The following SCGB2B2 variants were observed in gnomAD, a reference collection of about 807,000 sequenced individuals.
SCGB2B2 encodes the protein secretoglobin-like protein.
In SCGB2B2, 11 loss-of-function variants were observed where a neutral mutation model predicts 7.6. That is an observed-to-expected ratio of 1.45 (90% CI 0.91 to 2.40). The LOEUF (loss-of-function observed/expected upper bound fraction) is 2.40. SCGB2B2 is among the 30% of genes most tolerant of loss of function. SCGB2B2 has a pLI of 0.00. For missense variants in SCGB2B2, 104 were observed against 115.4 expected (o/e 0.90, Z 0.45); for synonymous variants, 50 against 48.6 (o/e 1.03, Z -0.12).
intron 1 of SCGB2B2, among the ~76,000 whole-genome samples, chr19:34,611,795 G>T (rs921273459): frequency 1.1e-4 from 17 of 151,192 alleles, no homozygotes; most frequent in African/African-American, 4.1e-4. Flanking sequence ...GATTACAGGT[G>T]CCTGCTACCA....
At chr19:34,597,999 G>T (rs1408896592) in intron 1 of SCGB2B2, among the ~76,000 whole-genome samples, 1 of 152,038 alleles carries the variant, frequency 6.6e-6, no homozygotes, top group Non-Finnish European at 1.5e-5. Context: ...AGGGGTCGGG[G>T]AGACTGCTCC....
At chr19:34,615,504 G>GTT (rs2066048445) in intron 1 of SCGB2B2, among the ~76,000 whole-genome samples, 1 of 151,200 alleles carries the variant, frequency 6.6e-6, no homozygotes, top group African/African-American at 2.4e-5. Flanking sequence ...GAGTTTCTGT[G>GTT]ACTTTTCTGA....
chr19:34,617,107 G>A (rs1369968987), intron 1 of SCGB2B2, among the ~76,000 whole-genome samples: 2 of 152,220 alleles, frequency 1.3e-5, no homozygotes, highest in Non-Finnish European at 2.9e-5. Flanking sequence ...ATAGTTTGAA[G>A]TCAGGTAGTG....
chr19:34,634,943 T>G, intron 1 of SCGB2B2: 1 of 276,862 alleles, frequency 3.6e-6, no homozygotes, highest in East Asian at 1.0e-4. Context: ...CTTTCACCAG[T>G]GTGAACTCTC....
At position 34,594,557 on chromosome 19, in the gene SCGB2B2, C is replaced by T. The variant is rs1412663655; in HGVS notation, c.7G>A (p.Val3Met). 6.2e-7 allele frequency: 1 copy of T among 1,612,584 alleles called. No individual in the cohort carries two copies. Among genetic ancestry groups the T allele is most frequent in the African/African-American group, 1.3e-5 (1 of 74,860 alleles). MR[V>M]TSATCALLLA... ...AGAAGAGCACAGGTGGCGGATGTCA[C>T]CCTCATGACAGCGGAGTCTGGTCCC... The change falls in exon 2 of 4, where the codon GTG (valine) becomes ATG (methionine). Residue 3 changes from valine to methionine, a missense_variant. Transcript: ENST00000601241.
At chr19:34,647,000 C>A (rs903821100) in intron 1 of SCGB2B2, among the ~76,000 whole-genome samples, 1 of 152,072 alleles carries the variant, frequency 6.6e-6, no homozygotes, top group South Asian at 2.1e-4. Context: ...TCTCTACCCC[C>A]AGCACAACCC....
At chr19:34,608,139 T>A (rs2065830815) in intron 1 of SCGB2B2, among the ~76,000 whole-genome samples, 1 of 152,116 alleles carries the variant, frequency 6.6e-6, no homozygotes, top group Non-Finnish European at 1.5e-5. Flanking sequence ...TTCCTCATCG[T>A]GTTTTATAGT....
intron 1 of SCGB2B2, among the ~76,000 whole-genome samples, chr19:34,601,247 T>C (rs962061911): frequency 7.9e-5 from 12 of 152,206 alleles, no homozygotes; most frequent in African/African-American, 2.7e-4. Flanking sequence ...ACTAGTCTGT[T>C]TGTCTGTCTC....
chr19:34,672,420 T>C (rs575078289), intron 1 of SCGB2B2, among the ~76,000 whole-genome samples: 1 of 152,238 alleles, frequency 6.6e-6, no homozygotes. Flanking sequence ...GAATCTGTCA[T>C]TGATTTGAGA....
chr19:34,592,613 T>C lies in SCGB2B2; in HGVS notation c.*942A>G, dbSNP rs1381549120. Among the ~76,000 whole-genome samples the C allele has an allele frequency of 6.6e-6, 1 of 150,572 alleles. No homozygotes were observed. The highest frequency in any genetic ancestry group is 2.4e-5 in the African/African-American group (1 of 40,860). On this transcript the variant is annotated 3_prime_UTR_variant, in exon 4 of 4. Coordinates refer to ENST00000601241, the MANE Select transcript of SCGB2B2 (RefSeq NM_001025591.4). ...GGGGAGGGACCTCCCCCAGAAGGAG[T>C]TGATGGAGCCTCATCAGTGTATTGA...
At chr19:34,597,488 CA>C (rs2065493414) in intron 1 of SCGB2B2, among the ~76,000 whole-genome samples, 1 of 152,188 alleles carries the variant, frequency 6.6e-6, no homozygotes, top group Non-Finnish European at 1.5e-5. Context: ...CACTTTCAGC[CA>C]TCTCAGCCTC....
At chr19:34,594,077 T>C in intron 3 of SCGB2B2, 98 bp downstream of exon 3, 1 of 1,035,880 alleles carries the variant, frequency 9.7e-7, no homozygotes, top group Non-Finnish European at 1.4e-6. Context: ...GGCTTCCTGC[T>C]TAAAACGTGG....
intron 1 of SCGB2B2, among the ~76,000 whole-genome samples, chr19:34,620,204 C>T (rs907108599): frequency 5.9e-5 from 9 of 152,140 alleles, no homozygotes; most frequent in Admixed American, 5.9e-4. Flanking sequence ...TTATAAATCA[C>T]TTTACTATAA....
In SCGB2B2 at chr19:34,594,492, CTCTT is replaced by C. The variant is rs577191256; in HGVS notation, c.61+7_61+10del. The C allele has an allele frequency of 2.1e-4, 336 of 1,613,876 alleles. No homozygotes were observed. The African/African-American group carries it at 4.1e-3, about 20-fold the overall frequency. ...ACCGCTTCCTCCCAGCCCTGCTCGCCTCTTTCTTACCCAGCTGGACGCTGCAGAT... is the reference window on the plus strand; with the variant it reads ...ACCGCTTCCTCCCAGCCCTGCTCGCCTCTTACCCAGCTGGACGCTGCAGAT... On this transcript the variant is annotated splice_region_variant and intron_variant, in intron 2 of 3. Transcript: ENST00000601241.
rs563822124 is a variant in SCGB2B2, at chr19:34,661,317, A to G, written c.-2032+14313T>C. ...CGTGCAATGACATTAAAAAAAAGAAATACATATGTAAAAAATTATTGTGAT... is the reference window on the plus strand; with the variant it reads ...CGTGCAATGACATTAAAAAAAAGAAGTACATATGTAAAAAATTATTGTGAT... On this transcript the variant is annotated intron_variant, in intron 1 of 3. Coordinates refer to ENST00000601241, the MANE Select transcript of SCGB2B2 (RefSeq NM_001025591.4). Among the ~76,000 whole-genome samples, 30 of 152,314 alleles carry G rather than the reference A, an allele frequency of 2.0e-4. No individual in the cohort carries two copies. The East Asian group carries it at 5.6e-3, about 28-fold the overall frequency.
intron 1 of SCGB2B2, among the ~76,000 whole-genome samples, chr19:34,625,849 C>T (rs148830477): frequency 0.021 from 3,217 of 152,306 alleles, 47 homozygotes; most frequent in Middle Eastern, 0.065. Context: ...CCCCGAGTAG[C>T]CTAAATGGGA....
intron 1 of SCGB2B2, among the ~76,000 whole-genome samples, chr19:34,639,751 C>T (rs1208225331): frequency 6.6e-6 from 1 of 152,224 alleles, no homozygotes; most frequent in African/African-American, 2.4e-5. Flanking sequence ...CTTTCTTCCT[C>T]TTCACTGGTT....
chr19:34,635,943 C>T (rs1342362151), intron 1 of SCGB2B2, among the ~76,000 whole-genome samples: 1 of 152,194 alleles, frequency 6.6e-6, no homozygotes, highest in South Asian at 2.1e-4. Flanking sequence ...CCACATGCCC[C>T]CCGTGTGTGC....
chr19:34,612,583 TATTC>T (rs1051567180), intron 1 of SCGB2B2, among the ~76,000 whole-genome samples: 6 of 152,240 alleles, frequency 3.9e-5, no homozygotes, highest in Non-Finnish European at 8.8e-5. Context: ...TACTAAACCT[TATTC>T]ATTCTTTTTT....
Sources: allele counts gnomAD v4.1 joint callset (sites outside exome capture counted in the v4.1 genomes callset), GRCh38; gene constraint gnomAD v4.1.1; transcripts MANE v1.5; gene names NCBI Gene and HGNC (gene_info 2026-07-23, HGNC 2026-07-21).